The following KDELR2 variants were observed in gnomAD, a reference collection of about 807,000 sequenced individuals.
KDELR2 encodes KDEL endoplasmic reticulum protein retention receptor 2.
Under a neutral mutation model 23.9 loss-of-function variants are expected in KDELR2, and 15 were observed. The ratio of observed to expected loss-of-function variants is 0.63; its 90% confidence interval spans 0.42 to 0.97. The LOEUF (loss-of-function observed/expected upper bound fraction) is 0.97, where lower values mean the gene tolerates loss of function less well. Ranked by LOEUF, KDELR2 falls within the 50% of genes least tolerant of loss-of-function variation. The pLI is 0.00. For missense variants in KDELR2, 272 were observed against 254.6 expected, an observed-to-expected ratio of 1.07 and a Z score of -0.46; for synonymous variants, 119 against 106.2, an observed-to-expected ratio of 1.12 and a Z score of -0.74.
intron 1 of KDELR2, among the ~76,000 whole-genome samples, chr7:6,478,130 G>A (rs1207285324): frequency 6.6e-6 from 1 of 151,192 alleles, no homozygotes; most frequent in Non-Finnish European, 1.5e-5. Flanking sequence ...GGTATGTACT[G>A]CTGTTCTTTT....
intron 1 of KDELR2, chr7:6,482,412 G>A: frequency 3.3e-6 from 1 of 305,540 alleles, no homozygotes; most frequent in South Asian, 2.8e-5. Context: ...GCAGTTATTT[G>A]CTGTCACTGG....
At chr7:6,466,401 C>G in intron 3 of KDELR2, 78 bp from the exon 4 acceptor site, 2 of 1,547,064 alleles carry the variant, frequency 1.3e-6, no homozygotes, top group Non-Finnish European at 1.8e-6. Flanking sequence ...GCTTTCTTTA[C>G]CACAAAGCAG....
chr7:6,478,714 G>A (rs1170909121), intron 1 of KDELR2, among the ~76,000 whole-genome samples: 4 of 152,148 alleles, frequency 2.6e-5, no homozygotes, highest in Non-Finnish European at 5.9e-5. Context: ...CTTCCTGGGT[G>A]CTCTCCAGGA....
At chr7:6,465,287 C>T (rs1785479371) in intron 4 of KDELR2, among the ~76,000 whole-genome samples, 1 of 151,382 alleles carries the variant, frequency 6.6e-6, no homozygotes, top group African/African-American at 2.4e-5. Context: ...AGGTTCACAC[C>T]ATTCTCCTGC....
chr7:6,466,318 G>A lies in KDELR2; in HGVS notation c.357C>T (p.Leu119=), dbSNP rs758862724. The change falls in exon 4 of 5, where the codon CTC becomes CTT. Residue 119 remains leucine, a synonymous_variant. Transcript: ENST00000258739. ...ACTCCAGGTAGATGGAGAAGGTCCA[G>A]AGGATCTGGAAGAGAAATGGCAAGC... is the stretch of plus-strand genomic sequence containing the variant. ...VNHDFSPLEI[L]WTFSIYLESV... 12 of 1,613,368 alleles carry A rather than the reference G, an allele frequency of 7.4e-6. No homozygotes were observed. Among genetic ancestry groups the A allele is most frequent in the Non-Finnish European group, 8.5e-6 (10 of 1,179,670 alleles).
intron 2 of KDELR2, among the ~76,000 whole-genome samples, chr7:6,470,675 T>C (rs927263753): frequency 6.6e-6 from 1 of 152,236 alleles, no homozygotes; most frequent in East Asian, 1.9e-4. Context: ...TTGAACTTTA[T>C]GGTAGTAGGA....
intron 3 of KDELR2, among the ~76,000 whole-genome samples, chr7:6,468,015 A>C (rs1453988667): frequency 6.6e-6 from 1 of 152,220 alleles, no homozygotes; most frequent in Non-Finnish European, 1.5e-5. Context: ...TGAAAAGCAA[A>C]CAAAATGTGG....
chr7:6,463,178 A>C lies in KDELR2; in HGVS notation c.605-3T>G, dbSNP rs1444152419. The C allele has an allele frequency of 1.9e-6, 3 of 1,605,260 alleles. No individual in the cohort carries two copies. Among genetic ancestry groups the C allele is most frequent in the African/African-American group, 1.3e-5 (1 of 74,524 alleles). ...ACTGAGCTTCTTTCCCTTGAGTACT[A>C]GAATTTCAAAGAGAAGAAAAGAAAA... On this transcript the variant is annotated splice_polypyrimidine_tract_variant and splice_region_variant and intron_variant, in intron 4 of 4. Transcript: ENST00000258739.
chr7:6,461,393 C>A lies in KDELR2; in HGVS notation c.*1748G>T, dbSNP rs955340294. ...TGTATCAGATTTGCATGCACAAAGA[C>A]AGGTGTGCGCCCCACCCACCCTGGG... On this transcript the variant is annotated 3_prime_UTR_variant, in exon 5 of 5. Coordinates refer to ENST00000258739, the MANE Select transcript of KDELR2 (RefSeq NM_006854.4). 4 of 151,964 alleles carry A rather than the reference C, an allele frequency of 2.6e-5. No homozygotes were observed. The South Asian group carries it at 6.2e-4, about 24-fold the overall frequency. The allele number at this position is 151,964 out of a possible 1,614,324, so 9.4% of individuals were successfully genotyped here.
intron 1 of KDELR2, among the ~76,000 whole-genome samples, chr7:6,475,472 A>G (rs1030787797): frequency 6.6e-6 from 1 of 152,196 alleles, no homozygotes; most frequent in Non-Finnish European, 1.5e-5. Flanking sequence ...TTGTATTTGT[A>G]TAAAAATGTT....
intron 1 of KDELR2, among the ~76,000 whole-genome samples, chr7:6,477,629 C>G (rs1302652073): frequency 2.6e-5 from 4 of 152,212 alleles, no homozygotes; most frequent in Non-Finnish European, 5.9e-5. Flanking sequence ...TCATTCTTGT[C>G]TTATCCTACT....
chr7:6,463,132 CT>C lies in KDELR2; in HGVS notation c.*8del, dbSNP rs1785424081. The C allele has an allele frequency of 6.2e-7, 1 of 1,613,962 alleles. No individual in the cohort carries two copies. The highest frequency in any genetic ancestry group is 1.3e-5 in the African/African-American group (1 of 74,898). The stretch of plus-strand genomic sequence containing the variant: ...CTGAAGGACAGATGCTGGTGATGGT[CT>C]TTGGCACTTATGCTGGCAAACTGAG... On this transcript the variant is annotated 3_prime_UTR_variant, in exon 5 of 5. Coordinates refer to ENST00000258739, the MANE Select transcript of KDELR2 (RefSeq NM_006854.4).
intron 3 of KDELR2, among the ~76,000 whole-genome samples, 157 bp downstream of exon 3, chr7:6,469,439 T>C (rs955366335): frequency 1.3e-5 from 2 of 152,136 alleles, no homozygotes; most frequent in Non-Finnish European, 2.9e-5. Context: ...GTATTTTTAG[T>C]AGAGACGGTG....
At chr7:6,469,423 T>A (rs1040498499) in intron 3 of KDELR2, among the ~76,000 whole-genome samples, 173 bp downstream of exon 3, 2 of 152,004 alleles carry the variant, frequency 1.3e-5, no homozygotes, top group African/African-American at 4.8e-5. Context: ...ACCCAGCTAA[T>A]TTTTTGTATT....
At chr7:6,481,366 A>AC (rs1785887175) in intron 1 of KDELR2, among the ~76,000 whole-genome samples, 1 of 7,886 alleles carries the variant, frequency 1.3e-4, no homozygotes, top group Non-Finnish European at 9.8e-4. Context: ...AGTTCATCTC[A>AC]AAAAAAAAAA....
intron 2 of KDELR2, 47 bp downstream of exon 2, chr7:6,474,137 C>T (rs773678056): frequency 1.8e-5 from 20 of 1,106,942 alleles, no homozygotes; most frequent in Middle Eastern, 3.9e-4. Flanking sequence ...TGTCCATAGA[C>T]CTGTGCACTG....
chr7:6,463,635 G>C (rs1785433026), intron 4 of KDELR2, among the ~76,000 whole-genome samples: 1 of 151,856 alleles, frequency 6.6e-6, no homozygotes, highest in Non-Finnish European at 1.5e-5. Context: ...AGCTACTCAG[G>C]AGGATGAGCA....
intron 2 of KDELR2, chr7:6,470,116 T>C (rs776507396): frequency 3.7e-5 from 6 of 163,602 alleles, no homozygotes; most frequent in Non-Finnish European, 7.9e-5. Context: ...ACATAGTATG[T>C]TGCCTTCTGG....
At chr7:6,478,155 G>A (rs1019218894) in intron 1 of KDELR2, among the ~76,000 whole-genome samples, 1 of 150,798 alleles carries the variant, frequency 6.6e-6, no homozygotes, top group African/African-American at 2.4e-5. Flanking sequence ...TTGCTTGCCC[G>A]CCCCCCGGTT....
Sources: allele counts gnomAD v4.1 joint callset (sites outside exome capture counted in the v4.1 genomes callset), GRCh38; gene constraint gnomAD v4.1.1; transcripts MANE v1.5; gene names NCBI Gene and HGNC (gene_info 2026-07-23, HGNC 2026-07-21).